The following TMEM258 variants were observed in gnomAD, a reference collection of about 807,000 sequenced individuals.
TMEM258 encodes the protein transmembrane protein 258.
TMEM258 carries 11 observed loss-of-function variants against 9.9 expected under a neutral mutation model. That is an observed-to-expected ratio of 1.11 (90% CI 0.70 to 1.85). TMEM258 has a LOEUF of 1.85. Among genes scored for constraint, TMEM258 ranks in the 40% most tolerant of loss-of-function variants. The pLI is 0.00. For synonymous variants in TMEM258, 40 were observed against 39.1 expected, an observed-to-expected ratio of 1.02 and a Z score of -0.09; for missense variants, 81 against 99.7, an observed-to-expected ratio of 0.81 and a Z score of 0.80.
At position 61,790,428 on chromosome 11, in the gene TMEM258, G is replaced by A. The variant is rs753257327; in HGVS notation, c.113+65C>T. The stretch of plus-strand genomic sequence containing the variant: ...AACCGGCGGGGTCCATGTACCTAGC[G>A]TGGTTTCTCCCTGAGCTTCCCACAT... On this transcript the variant is annotated intron_variant, in intron 2 of 3. Transcript: ENST00000537328. 67 of 1,435,170 alleles carry A rather than the reference G, an allele frequency of 4.7e-5. 1 individual carries two copies. Among genetic ancestry groups the A allele is most frequent in the Non-Finnish European group, 6.3e-5 (65 of 1,032,014 alleles). 88.9% of individuals were successfully genotyped at this position (1,435,170 alleles called of 1,614,324 possible).
rs1216654624 is a variant in TMEM258, at chr11:61,792,537, C to G, written c.3+19G>C. On this transcript the variant is annotated intron_variant, in intron 1 of 3. Coordinates refer to ENST00000537328, the MANE Select transcript of TMEM258 (RefSeq NM_014206.4). Reference sequence around the variant, plus strand: ...GGGGTCCTCGCATCTCCGTCTGGAACTCCCCTCAACGCTCTCACCATTTTG... The same window carrying G: ...GGGGTCCTCGCATCTCCGTCTGGAAGTCCCCTCAACGCTCTCACCATTTTG... The G allele has an allele frequency of 2.9e-5, 47 of 1,613,996 alleles. No individual in the cohort carries two copies. The highest frequency in any genetic ancestry group is 3.3e-4 in the Middle Eastern group (2 of 6,060).
At chr11:61,790,198 G>A in intron 2 of TMEM258, 1 of 568,192 alleles carries the variant, frequency 1.8e-6, no homozygotes, top group South Asian at 2.1e-5. Context: ...TGACACCTGA[G>A]TGCACCCTTC....
intron 2 of TMEM258, 105 bp from the exon 3 acceptor site, chr11:61,790,026 A>G (rs1444227352): frequency 1.4e-6 from 2 of 1,426,238 alleles, no homozygotes; most frequent in African/African-American, 2.9e-5. Flanking sequence ...GCCTTCTGGG[A>G]GGCCTATCTG....
In TMEM258 at chr11:61,790,703, G is replaced by C. The variant is rs755169253; in HGVS notation, c.4-101C>G. ...GAGCCTGGTGCTGCCGTGAAACAGAGGCTGATTTTAGCCCGGAAATGTAGC... is the reference window on the plus strand; with the variant it reads ...GAGCCTGGTGCTGCCGTGAAACAGACGCTGATTTTAGCCCGGAAATGTAGC... On this transcript the variant is annotated intron_variant, in intron 1 of 3. Transcript: ENST00000537328. 3.3e-5 allele frequency: 34 copies of C among 1,023,726 alleles called. No individual in the cohort carries two copies. The South Asian group carries it at 5.3e-4, about 16-fold the overall frequency. 63.4% of individuals were successfully genotyped at this position (1,023,726 alleles called of 1,614,324 possible). A position where few individuals can be genotyped will look rare whatever the true frequency, so the allele number is the denominator to read the frequency against.
intron 1 of TMEM258, 65 bp from the exon 2 acceptor site, chr11:61,790,667 C>T (rs1037505299): frequency 1.5e-5 from 21 of 1,425,270 alleles, no homozygotes; most frequent in African/African-American, 1.3e-4. Context: ...AGAGAACATG[C>T]GGTTATCAAG....
At chr11:61,790,266 C>T in intron 2 of TMEM258, 1 of 593,438 alleles carries the variant, frequency 1.7e-6, no homozygotes. Context: ...CCAGCCAGGT[C>T]CCCTGCTCAC....
chr11:61,790,328 G>A (rs1408197319), intron 2 of TMEM258, 165 bp downstream of exon 2: 2 of 673,752 alleles, frequency 3.0e-6, no homozygotes, highest in Non-Finnish European at 5.1e-6. Flanking sequence ...TGGGAAATAA[G>A]GCTATAACCT....
At chr11:61,789,631 T>A (rs752060196) in intron 3 of TMEM258, 154 bp downstream of exon 3, 13 of 845,856 alleles carry the variant, frequency 1.5e-5, no homozygotes, top group Non-Finnish European at 2.1e-5. Context: ...GAGGCACAAA[T>A]GTCTAGTGTC....
At chr11:61,790,078 ACT>A in intron 2 of TMEM258, 157 bp from the exon 3 acceptor site, 1 of 863,672 alleles carries the variant, frequency 1.2e-6, no homozygotes, top group Non-Finnish European at 1.7e-6. Flanking sequence ...GATGCCTTGG[ACT>A]CTGGTGCTCC....
Position 61,792,542 on chromosome 11 carries a change from C to G in TMEM258, c.3+14G>C. On this transcript the variant is annotated intron_variant, in intron 1 of 3. Transcript: ENST00000537328. Reference sequence around the variant, plus strand: ...CCTCGCATCTCCGTCTGGAACTCCCCTCAACGCTCTCACCATTTTGCCCCG... The same window carrying G: ...CCTCGCATCTCCGTCTGGAACTCCCGTCAACGCTCTCACCATTTTGCCCCG... 3.1e-6 allele frequency: 5 copies of G among 1,613,896 alleles called. No homozygotes were observed. The highest frequency in any genetic ancestry group is 1.3e-5 in the African/African-American group (1 of 75,048).
chr11:61,789,943 A>T, intron 2 of TMEM258, 22 bp from the exon 3 acceptor site: 1 of 1,609,298 alleles, frequency 6.2e-7, no homozygotes, highest in Non-Finnish European at 8.5e-7. Flanking sequence ...AGTTAAGGCA[A>T]AGCGAAGGGG....
In TMEM258 at chr11:61,789,656, T is replaced by G. The variant is rs1172552850; in HGVS notation, c.*10+129A>C. 10 of 1,110,812 alleles carry G rather than the reference T, an allele frequency of 9.0e-6. No individual in the cohort carries two copies. In the South Asian group the frequency reaches 1.7e-4, roughly 19 times the overall value. 68.8% of individuals were successfully genotyped at this position (1,110,812 alleles called of 1,614,324 possible). ...TGTCTAGTGTCCCTACCCATTCCAC[T>G]GAGTCTGTCTCCATCAACCAAGGGG... On this transcript the variant is annotated intron_variant, in intron 3 of 3. Coordinates refer to ENST00000537328, the MANE Select transcript of TMEM258 (RefSeq NM_014206.4).
At chr11:61,789,648 C>T in intron 3 of TMEM258, 137 bp downstream of exon 3, 1 of 1,003,024 alleles carries the variant, frequency 1.0e-6, no homozygotes, top group Non-Finnish European at 1.4e-6. Flanking sequence ...TGTCCCTACC[C>T]ATTCCACTGA....
rs545514767 is a variant in TMEM258 at position 61,789,104 on chromosome 11, C to A, written c.*142G>T. The A allele has an allele frequency of 6.5e-6, 1 of 152,812 alleles. No individual in the cohort carries two copies. The highest frequency in any genetic ancestry group is 2.4e-5 in the African/African-American group (1 of 41,546). 9.5% of individuals were successfully genotyped at this position (152,812 alleles called of 1,614,324 possible). Reference sequence around the variant, plus strand: ...AATGTAGGTCCCAGCACCCACCACCCCTGCAGAATGGGCCCCAGACAGGAC... The same window carrying A: ...AATGTAGGTCCCAGCACCCACCACCACTGCAGAATGGGCCCCAGACAGGAC... On this transcript the variant is annotated 3_prime_UTR_variant, in exon 4 of 4. Coordinates refer to ENST00000537328, the MANE Select transcript of TMEM258 (RefSeq NM_014206.4).
chr11:61,791,519 C>A (rs756239933), intron 1 of TMEM258: 1 of 152,244 alleles, frequency 6.6e-6, no homozygotes, highest in Non-Finnish European at 1.5e-5. Context: ...GCCTCAGCCT[C>A]CCAAAGTGCT....
At chr11:61,789,748 T>A in intron 3 of TMEM258, 37 bp downstream of exon 3, 1 of 1,580,142 alleles carries the variant, frequency 6.3e-7, no homozygotes, top group Non-Finnish European at 8.6e-7. Flanking sequence ...GGGCTGTGCC[T>A]TGGAGGCTCA....
chr11:61,790,612 G>C lies in TMEM258; in HGVS notation c.4-10C>G. 34 of 1,608,948 alleles carry C rather than the reference G, an allele frequency of 2.1e-5. No individual in the cohort carries two copies. Among genetic ancestry groups the C allele is most frequent in the Non-Finnish European group, 2.8e-5 (33 of 1,176,352 alleles). On this transcript the variant is annotated splice_polypyrimidine_tract_variant and intron_variant, in intron 1 of 3. Coordinates refer to ENST00000537328, the MANE Select transcript of TMEM258 (RefSeq NM_014206.4). ...TCATGGCCTCGAGCTCCTAGAGGAG[G>C]GAAAGAGATCAGAGCTATCAAAGAA... is the stretch of plus-strand genomic sequence containing the variant.
At chr11:61,790,813 C>T (rs2066778718) in intron 1 of TMEM258, among the ~76,000 whole-genome samples, 1 of 152,156 alleles carries the variant, frequency 6.6e-6, no homozygotes, top group African/African-American at 2.4e-5. Flanking sequence ...GAACTCTCTG[C>T]CTGAGAAAAA....
chr11:61,790,297 C>G, intron 2 of TMEM258, 196 bp downstream of exon 2: 3 of 618,268 alleles, frequency 4.9e-6, no homozygotes, highest in Non-Finnish European at 8.5e-6. Context: ...ATCCAAAGAA[C>G]AAACTGAGCT....
Sources: gnomAD v4.1 joint callset for allele counts (sites outside exome capture counted in the v4.1 genomes callset) on GRCh38, gnomAD v4.1.1 for gene constraint, MANE v1.5 for transcripts, NCBI Gene and HGNC (gene_info 2026-07-23, HGNC 2026-07-21) for gene names.